Variants in JMJD6 observed in about 807,000 individuals in gnomAD.
JMJD6 encodes jumonji domain containing 6, arginine demethylase and lysine hydroxylase.
In JMJD6, 17 loss-of-function variants were observed where a neutral mutation model predicts 45.8. The ratio of observed to expected loss-of-function variants is 0.37; its 90% CI spans 0.25 to 0.56. The LOEUF is 0.56. Ranked by LOEUF, JMJD6 falls within the 20% of genes least tolerant of loss-of-function variation. The pLI is 0.79. For synonymous variants in JMJD6, 221 were observed against 196.3 expected (o/e 1.13, Z -1.05); for missense variants, 470 against 517.5 (o/e 0.91, Z 0.89).
chr17:76,719,874 C>T (rs930203482), intron 5 of JMJD6, among the ~76,000 whole-genome samples: 1 of 152,210 alleles, frequency 6.6e-6, no homozygotes, highest in Non-Finnish European at 1.5e-5. Context: ...GTAATCCCAG[C>T]ACTTTGGGAG....
intron 4 of JMJD6, chr17:76,721,197 C>A: frequency 3.5e-6 from 1 of 286,340 alleles, no homozygotes; most frequent in Non-Finnish European, 7.7e-6. Context: ...GAACAGAAGC[C>A]ACCACCCTTA....
chr17:76,713,888 C>T (rs904458458), downstream of JMJD6: 1 of 152,240 alleles, frequency 6.6e-6, no homozygotes, highest in Non-Finnish European at 1.5e-5. Flanking sequence ...CTTTCTTCTA[C>T]CTGCCCTCAC....
Position 76,718,627 on chromosome 17 carries a change from CTG to C in JMJD6, c.*100_*101del, listed in dbSNP as rs2076786181. ...CCGAGGGTGTCCTCATTCTTGGGCT[CTG>C]TCAGGCCTCCCCTTGTCTGCAGGAC... On this transcript the variant is annotated 3_prime_UTR_variant, in exon 6 of 6. Coordinates refer to ENST00000397625, the MANE Select transcript of JMJD6 (RefSeq NM_015167.3). The C allele has an allele frequency of 6.6e-7, 1 of 1,509,112 alleles. No homozygotes were observed. 93.5% of individuals were successfully genotyped at this position (1,509,112 alleles called of 1,614,324 possible). A position where few individuals can be genotyped will look rare whatever the true frequency, so the allele number is the denominator to read the frequency against.
At position 76,720,500 on chromosome 17, in the gene JMJD6, TGA is replaced by T. The variant is rs751027723; in HGVS notation, c.942-4_942-3del. On this transcript the variant is annotated splice_polypyrimidine_tract_variant and splice_region_variant and intron_variant, in intron 4 of 5. Transcript: ENST00000397625. The stretch of plus-strand genomic sequence containing the variant: ...TCGGGGTGCTCTTGCTTCAAAATCC[TGA>T]GAGGCAAGAAGTGTTGTTCTCAGTG... 6.2e-7 allele frequency: 1 copy of T among 1,614,024 alleles called. No individual in the cohort carries two copies. The highest frequency in any genetic ancestry group is 8.5e-7 in the Non-Finnish European group (1 of 1,179,942).
At chr17:76,718,031 G>A (rs947364229), downstream of JMJD6, among the ~76,000 whole-genome samples, 5 of 150,918 alleles carry the variant, frequency 3.3e-5, no homozygotes, top group Non-Finnish European at 5.9e-5. Context: ...GGCATGGTGG[G>A]GTGAATCTGT....
chr17:76,725,180 G>A (rs1354854355), intron 2 of JMJD6, among the ~76,000 whole-genome samples: 2 of 152,104 alleles, frequency 1.3e-5, no homozygotes, highest in African/African-American at 2.4e-5. Flanking sequence ...AGGCCGAGGC[G>A]GGCAGATCAC....
downstream of JMJD6, chr17:76,715,673 C>T (rs1201617210): frequency 6.6e-6 from 1 of 152,250 alleles, no homozygotes; most frequent in Non-Finnish European, 1.5e-5. Flanking sequence ...GCAGTGCTTC[C>T]AAGTGCGCCC....
rs138395569 is a variant in JMJD6, at chr17:76,720,002, G to A, written c.1080+358C>T. On this transcript the variant is annotated intron_variant, in intron 5 of 5. Transcript: ENST00000397625. ...CTACTAAAAATACAAAAAATTAGCT[G>A]GGTGTGGTGGCATGCGCCTGTAATC... 1.1e-3 allele frequency among the ~76,000 whole-genome samples: 166 copies of A among 152,228 alleles called. 1 individual carries two copies. The highest frequency in any genetic ancestry group is 3.7e-3 in the African/African-American group (154 of 41,528).
In JMJD6 at chr17:76,718,451, T is replaced by C. The variant is rs1406473474; in HGVS notation, c.*278A>G. 6 of 1,321,186 alleles carry C rather than the reference T, an allele frequency of 4.5e-6. No homozygotes were observed. In the East Asian group the frequency reaches 9.0e-5, roughly 20 times the overall value. 81.8% of individuals were successfully genotyped at this position (1,321,186 alleles called of 1,614,324 possible). ...TTCTCAAAGGAAAACATTTCCAAGA[T>C]AGAAAATGGATTCAATTTTTATTAA... On this transcript the variant is annotated 3_prime_UTR_variant, in exon 6 of 6. Transcript: ENST00000397625.
At chr17:76,718,311 T>C (rs1316442597), downstream of JMJD6, 2 of 478,546 alleles carry the variant, frequency 4.2e-6, no homozygotes, top group Non-Finnish European at 6.0e-6. Flanking sequence ...ACTTTTCCAA[T>C]GGCTCTCCCT....
At chr17:76,715,941 G>T (rs1223707000), downstream of JMJD6, 3 of 152,278 alleles carry the variant, frequency 2.0e-5, no homozygotes, top group African/African-American at 7.2e-5. Flanking sequence ...AGAGTACCTC[G>T]CAAAGTGAGC....
downstream of JMJD6, chr17:76,716,710 A>C (rs2076767063): frequency 6.2e-7 from 1 of 1,614,046 alleles, no homozygotes; most frequent in African/African-American, 1.3e-5. Flanking sequence ...GGCCTCCACA[A>C]GTGTCCCTAA....
rs757043929 is a variant in JMJD6 at position 76,726,513 on chromosome 17, C to T, written c.-38G>A. On this transcript the variant is annotated 5_prime_UTR_variant, in exon 1 of 6. Transcript: ENST00000397625. ...CCAGCTGGTTCCGCTACGACCTCGGCGCAGCCCGCTTCCTGACACTAACGC... is the reference window on the plus strand; with the variant it reads ...CCAGCTGGTTCCGCTACGACCTCGGTGCAGCCCGCTTCCTGACACTAACGC... The T allele has an allele frequency of 3.0e-5, 47 of 1,569,956 alleles. No individual in the cohort carries two copies. The highest frequency in any genetic ancestry group is 3.8e-5 in the Non-Finnish European group (44 of 1,159,792).
downstream of JMJD6, among the ~76,000 whole-genome samples, chr17:76,717,226 A>AT (rs1193600721): frequency 6.6e-6 from 1 of 152,182 alleles, no homozygotes; most frequent in East Asian, 1.9e-4. Flanking sequence ...GTATATATAT[A>AT]TTTTAAAGAC....
intron 2 of JMJD6, among the ~76,000 whole-genome samples, chr17:76,724,951 TTC>T (rs1467079593): frequency 6.6e-6 from 1 of 152,166 alleles, no homozygotes; most frequent in Admixed American, 6.5e-5. Flanking sequence ...CTTTCAGAAA[TTC>T]TGATGCGCAG....
downstream of JMJD6, chr17:76,715,289 C>T (rs1193546801): frequency 6.6e-6 from 1 of 152,282 alleles, no homozygotes; most frequent in Non-Finnish European, 1.5e-5. Context: ...CCTGTGCCCA[C>T]CACAGAACCA....
intron 3 of JMJD6, among the ~76,000 whole-genome samples, chr17:76,723,010 A>G (rs9747009): frequency 0.038 from 5,604 of 149,360 alleles, 360 homozygotes; most frequent in African/African-American, 0.13. Context: ...GCAGTGACAC[A>G]ATCTCAGCTC....
rs748044926 is a variant in JMJD6 at position 76,718,834 on chromosome 17, C to T, written c.1107G>A (p.Gly369=). The part of the protein sequence containing the change: ...SECESGSEGD[G]TVHRRKKRRT... ...TCCTCTTCTTCCTGCGGTGCACTGT[C>T]CCATCGCCCTCGGATCCAGACTCGC... is the stretch of plus-strand genomic sequence containing the variant. The change falls in exon 6 of 6, where the codon GGG becomes GGA. Residue 369 remains glycine (G), a synonymous_variant. Coordinates refer to ENST00000397625, the MANE Select transcript of JMJD6 (RefSeq NM_015167.3). 7.4e-6 allele frequency: 12 copies of T among 1,614,182 alleles called. No homozygotes were observed. The East Asian group carries it at 2.7e-4, about 36-fold the overall frequency.
At chr17:76,716,657 A>T, downstream of JMJD6, 1 of 1,612,494 alleles carries the variant, frequency 6.2e-7, no homozygotes, top group Non-Finnish European at 8.5e-7. Flanking sequence ...TTACGCTGAA[A>T]GCACCTCAGG....
Sources: allele counts gnomAD v4.1 joint callset (sites outside exome capture counted in the v4.1 genomes callset), GRCh38; gene constraint gnomAD v4.1.1; transcripts MANE v1.5; gene names NCBI Gene and HGNC (gene_info 2026-07-23, HGNC 2026-07-21).